The following GSE1 variants were observed in gnomAD, a reference collection of about 807,000 sequenced individuals.
The protein encoded by GSE1 is Gse1 coiled-coil protein, also known as genetic suppressor element 1.
Under a neutral mutation model 112.6 loss-of-function variants are expected in GSE1, and 32 were observed. The ratio of observed to expected loss-of-function variants is 0.28; its 90% CI spans 0.21 to 0.38. The LOEUF (loss-of-function observed/expected upper bound fraction) is 0.38, where lower values mean the gene tolerates loss of function less well. Among genes scored for constraint, GSE1 ranks in the 10% least tolerant of loss-of-function variants. The probability of loss-of-function intolerance (pLI) is 1.00; values close to 1 mark genes in which losing one functional copy is unlikely to be tolerated. For missense variants in GSE1, 2,348 were observed against 1,699.2 expected (o/e 1.38, Z -6.71); for synonymous variants, 1,115 against 735.6 (o/e 1.52, Z -8.35).
At chr16:85,255,485 C>G (rs1372395535) in intron 1 of GSE1, among the ~76,000 whole-genome samples, 1 of 149,760 alleles carries the variant, frequency 6.7e-6, no homozygotes, top group African/African-American at 2.5e-5. Flanking sequence ...GATCTCAGTT[C>G]ACTGCAACTT....
chr16:85,229,196 C>T (rs553186921), intron 1 of GSE1, among the ~76,000 whole-genome samples: 1 of 152,314 alleles, frequency 6.6e-6, no homozygotes, highest in East Asian at 1.9e-4. Flanking sequence ...TCTGGCGCGG[C>T]ACCAGCGGCC....
At chr16:85,281,937 C>T (rs946037625) in intron 1 of GSE1, among the ~76,000 whole-genome samples, 4 of 152,158 alleles carry the variant, frequency 2.6e-5, no homozygotes, top group Non-Finnish European at 5.9e-5. Context: ...AGGTTTGCCA[C>T]CCACATGCAG....
intron 1 of GSE1, among the ~76,000 whole-genome samples, chr16:85,233,872 A>G (rs944078642): frequency 6.6e-6 from 1 of 151,998 alleles, no homozygotes; most frequent in Non-Finnish European, 1.5e-5. Context: ...TTTGGAGCCG[A>G]CACAGGTTTG....
At chr16:85,491,860 T>A (rs895833366) in intron 2 of GSE1, among the ~76,000 whole-genome samples, 4 of 152,118 alleles carry the variant, frequency 2.6e-5, no homozygotes, top group African/African-American at 9.7e-5. Context: ...CCTTGCGAGG[T>A]CAGCCAGGGG....
chr16:85,589,825 T>C (rs1451216712), intron 1 of GSE1, among the ~76,000 whole-genome samples: 2 of 144,468 alleles, frequency 1.4e-5, no homozygotes, highest in Admixed American at 6.7e-5. Flanking sequence ...AGTGTGAATA[T>C]GTGTGAATGT....
intron 1 of GSE1, among the ~76,000 whole-genome samples, chr16:85,181,032 CAT>C (rs1251096263): frequency 6.6e-6 from 1 of 152,214 alleles, no homozygotes; most frequent in Admixed American, 6.5e-5. Flanking sequence ...ATAGAAAGAA[CAT>C]GTGTTTCATG....
chr16:85,460,240 C>G (rs2049935262), intron 2 of GSE1, among the ~76,000 whole-genome samples: 3 of 152,204 alleles, frequency 2.0e-5, no homozygotes, highest in African/African-American at 7.2e-5. Flanking sequence ...CTTCCAGCAG[C>G]CTTCTCAGCC....
At chr16:85,284,221 G>A (rs926839739) in intron 1 of GSE1, among the ~76,000 whole-genome samples, 15 of 152,262 alleles carry the variant, frequency 9.9e-5, no homozygotes, top group African/African-American at 3.1e-4. Flanking sequence ...TTTAGCTGTC[G>A]CTGTAGGGCG....
rs146342196 is a variant in GSE1 at position 85,334,424 on chromosome 16, G to T, written c.2284-23039G>T. ...GTCACCATCCTGTTGCCAAGGTCCC[G>T]CACTTGGGCCCTTCTGGCCCCCTCC... On this transcript the variant is annotated intron_variant, in intron 1 of 2. Transcript: ENST00000637419. Among the ~76,000 whole-genome samples, 455 of 152,322 alleles carry T rather than the reference G, an allele frequency of 3.0e-3. 4 individuals are homozygous for T. The highest frequency in any genetic ancestry group is 0.011 in the African/African-American group (437 of 41,574).
At chr16:85,480,637 G>GGA (rs1028973526) in intron 2 of GSE1, among the ~76,000 whole-genome samples, 9 of 152,140 alleles carry the variant, frequency 5.9e-5, no homozygotes, top group African/African-American at 2.2e-4. Context: ...TGCCCTCCTG[G>GGA]GAGACAGAGC....
intron 1 of GSE1, among the ~76,000 whole-genome samples, chr16:85,572,058 C>T (rs1056709271): frequency 1.3e-5 from 2 of 151,562 alleles, no homozygotes; most frequent in Non-Finnish European, 1.5e-5. Flanking sequence ...ACATACCACA[C>T]ACCATACACA....
chr16:85,566,576 G>C (rs539994609), intron 1 of GSE1, among the ~76,000 whole-genome samples: 36 of 152,308 alleles, frequency 2.4e-4, no homozygotes, highest in Non-Finnish European at 4.6e-4. Context: ...AACCCCAGAA[G>C]ACTTCAGTGT....
chr16:85,641,170 C>G (rs1212710328), intron 2 of GSE1, among the ~76,000 whole-genome samples: 1 of 152,250 alleles, frequency 6.6e-6, no homozygotes, highest in Non-Finnish European at 1.5e-5. Flanking sequence ...GCCCCTGTGC[C>G]CGTTTCTTCT....
intron 2 of GSE1, among the ~76,000 whole-genome samples, chr16:85,403,440 T>C (rs1026073706): frequency 6.6e-6 from 1 of 151,978 alleles, no homozygotes; most frequent in African/African-American, 2.4e-5. Context: ...GAGGGTCTCT[T>C]GGTTGGTTAA....
intron 1 of GSE1, among the ~76,000 whole-genome samples, chr16:85,294,616 A>ACTCTCTCTCTCCCT (rs2045310875): frequency 2.6e-5 from 2 of 76,596 alleles, no homozygotes; most frequent in Non-Finnish European, 4.6e-5. Flanking sequence ...CACGCCTCTC[A>ACTCTCTCTCTCCCT]CTCTCTCTCT....
chr16:85,412,820 A>C (rs890567680), intron 2 of GSE1, among the ~76,000 whole-genome samples: 1 of 152,168 alleles, frequency 6.6e-6, no homozygotes, highest in African/African-American at 2.4e-5. Context: ...TCACACCTGC[A>C]AACACCCTTA....
Position 85,668,436 on chromosome 16 carries a change from C to G in GSE1, c.3415+12C>G. 2.0e-6 allele frequency: 3 copies of G among 1,485,814 alleles called. No homozygotes were observed. Among genetic ancestry groups the G allele is most frequent in the Non-Finnish European group, 2.8e-6 (3 of 1,081,674 alleles). The allele number at this position is 1,485,814 out of a possible 1,614,324, so 92.0% of individuals were successfully genotyped here. A position where few individuals can be genotyped will look rare whatever the true frequency, so the allele number is the denominator to read the frequency against. The stretch of plus-strand genomic sequence containing the variant: ...GGAACACATAGAAGGTAAGGGGGTG[C>G]TGGGGAAGAGGGGGGAGGGGGTCAG... On this transcript the variant is annotated intron_variant, in intron 14 of 15. Transcript: ENST00000253458.
At chr16:85,277,012 G>C (rs1202161257) in intron 1 of GSE1, among the ~76,000 whole-genome samples, 5 of 152,228 alleles carry the variant, frequency 3.3e-5, no homozygotes, top group East Asian at 3.9e-4. Flanking sequence ...GAGGGTTTCA[G>C]GTTGCAGGAT....
chr16:85,359,596 C>T (rs2047022102), intron 2 of GSE1: 1 of 347,964 alleles, frequency 2.9e-6, no homozygotes, highest in African/African-American at 2.1e-5. Flanking sequence ...TTGAAGAGGG[C>T]TGGGCACCGA....
Sources: gnomAD v4.1 joint callset for allele counts (sites outside exome capture counted in the v4.1 genomes callset) on GRCh38, gnomAD v4.1.1 for gene constraint, MANE v1.5 for transcripts, NCBI Gene and HGNC (gene_info 2026-07-23, HGNC 2026-07-21) for gene names.